The following RAB31 variants were observed in gnomAD, a reference collection of about 807,000 sequenced individuals.
RAB31 encodes RAB31, member RAS oncogene family.
Under a neutral mutation model 25.6 loss-of-function variants are expected in RAB31, and 21 were observed. The observed-to-expected ratio is 0.82, with a 90% CI of 0.58 to 1.18. RAB31 has a LOEUF of 1.18. RAB31 is among the 50% of genes most tolerant of loss of function. RAB31 has a pLI of 0.00. For missense variants in RAB31, 196 were observed against 250.1 expected (o/e 0.78, Z 1.46); for synonymous variants, 87 against 84.0 (o/e 1.04, Z -0.20).
intron 3 of RAB31, among the ~76,000 whole-genome samples, chr18:9,794,536 G>T (rs1465599310): frequency 6.6e-6 from 1 of 152,114 alleles, no homozygotes; most frequent in South Asian, 2.1e-4. Context: ...TTTCATTCAG[G>T]CTGGGCACCG....
At chr18:9,771,450 C>T (rs1482940331) in intron 1 of RAB31, among the ~76,000 whole-genome samples, 2 of 152,226 alleles carry the variant, frequency 1.3e-5, no homozygotes, top group Non-Finnish European at 2.9e-5. Context: ...TCCTGTCTCT[C>T]TCTTCCAAGG....
intron 3 of RAB31, among the ~76,000 whole-genome samples, chr18:9,805,212 C>T: frequency 6.6e-6 from 1 of 151,208 alleles, no homozygotes; most frequent in Admixed American, 6.6e-5. Context: ...GCCGAGATTG[C>T]ACCACTGCAC....
intron 6 of RAB31, among the ~76,000 whole-genome samples, chr18:9,846,148 G>A (rs1218121832): frequency 6.6e-6 from 1 of 152,108 alleles, no homozygotes; most frequent in East Asian, 1.9e-4. Context: ...ACCTGAAATT[G>A]GGAATTGGAT....
intron 3 of RAB31, among the ~76,000 whole-genome samples, chr18:9,808,284 A>G (rs760537157): frequency 6.6e-6 from 1 of 152,236 alleles, no homozygotes; most frequent in Non-Finnish European, 1.5e-5. Context: ...ATGATATAAT[A>G]GAAAGGTTTT....
intron 5 of RAB31, among the ~76,000 whole-genome samples, chr18:9,833,122 GA>G (rs994682412): frequency 1.3e-5 from 2 of 152,130 alleles, no homozygotes; most frequent in African/African-American, 4.8e-5. Flanking sequence ...CCCAGGAATC[GA>G]AAAAAGACAC....
rs1329205202 is a variant in RAB31, at chr18:9,860,452, G to A, written c.*1127G>A. ...CTAGAATGCCAAGGAACTGAGAATG[G>A]GCTCCGATGAAAACCTTCCTTTTCA... is the stretch of plus-strand genomic sequence containing the variant. On this transcript the variant is annotated 3_prime_UTR_variant, in exon 7 of 7. Coordinates refer to ENST00000578921, the MANE Select transcript of RAB31 (RefSeq NM_006868.4). 6.6e-6 allele frequency: 1 copy of A among 152,140 alleles called. No homozygotes were observed. Among genetic ancestry groups the A allele is most frequent in the Non-Finnish European group, 1.5e-5 (1 of 68,028 alleles). 9.4% of individuals were successfully genotyped at this position (152,140 alleles called of 1,614,324 possible).
chr18:9,840,569 A>C (rs759908190), intron 5 of RAB31, among the ~76,000 whole-genome samples: 1 of 152,210 alleles, frequency 6.6e-6, no homozygotes, highest in Non-Finnish European at 1.5e-5. Flanking sequence ...TCACCTTCGC[A>C]AAACTCTCCT....
At chr18:9,838,769 C>T (rs2068717695) in intron 5 of RAB31, among the ~76,000 whole-genome samples, 1 of 152,202 alleles carries the variant, frequency 6.6e-6, no homozygotes, top group Non-Finnish European at 1.5e-5. Context: ...GGAATACAGG[C>T]TGGTTAACAT....
chr18:9,831,203 G>T (rs968111394), intron 5 of RAB31, among the ~76,000 whole-genome samples: 1 of 152,222 alleles, frequency 6.6e-6, no homozygotes, highest in Non-Finnish European at 1.5e-5. Context: ...ACATGTTATG[G>T]TCTGGTGGAG....
chr18:9,715,529 T>TCTC (rs201076904), intron 1 of RAB31, among the ~76,000 whole-genome samples: 1 of 86,842 alleles, frequency 1.2e-5, no homozygotes, highest in African/African-American at 4.5e-5. Flanking sequence ...TCTCTCTCTC[T>TCTC]TTTTTTTTTT....
intron 1 of RAB31, chr18:9,774,817 G>C (rs2068363615): frequency 8.6e-5 from 44 of 513,458 alleles, no homozygotes; most frequent in South Asian, 6.3e-4. Flanking sequence ...GAAAATGCTA[G>C]AAACATAGAA....
intron 3 of RAB31, among the ~76,000 whole-genome samples, chr18:9,794,545 C>T (rs13381902): frequency 9.9e-5 from 15 of 152,016 alleles, no homozygotes; most frequent in Admixed American, 7.2e-4. Flanking sequence ...GGCTGGGCAC[C>T]GTGGCTCATG....
intron 1 of RAB31, among the ~76,000 whole-genome samples, chr18:9,734,234 G>A (rs1057390830): frequency 6.6e-6 from 1 of 152,132 alleles, no homozygotes; most frequent in Non-Finnish European, 1.5e-5. Flanking sequence ...CACTGTCACA[G>A]CCCTGTGAGG....
At chr18:9,854,670 T>C (rs889393843) in intron 6 of RAB31, among the ~76,000 whole-genome samples, 2 of 151,994 alleles carry the variant, frequency 1.3e-5, no homozygotes, top group Non-Finnish European at 2.9e-5. Flanking sequence ...TAATATTGTC[T>C]TCTTTATGGC....
chr18:9,723,491 T>G (rs2068082308), intron 1 of RAB31: 1 of 152,174 alleles, frequency 6.6e-6, no homozygotes, highest in African/African-American at 2.4e-5. Flanking sequence ...ATGAGTTATA[T>G]ATATTATTTT....
intron 5 of RAB31, among the ~76,000 whole-genome samples, chr18:9,830,891 T>C (rs1340754047): frequency 1.3e-5 from 2 of 152,236 alleles, no homozygotes; most frequent in Admixed American, 6.5e-5. Context: ...TGTATGCTGC[T>C]TAATTTTTCC....
chr18:9,828,218 G>A (rs1599056768), intron 5 of RAB31, among the ~76,000 whole-genome samples: 1 of 152,304 alleles, frequency 6.6e-6, no homozygotes, highest in Non-Finnish European at 1.5e-5. Context: ...GCGGGATGGT[G>A]TGGGTCTCAG....
chr18:9,798,818 A>G (rs1423667177), intron 3 of RAB31, among the ~76,000 whole-genome samples: 1 of 151,644 alleles, frequency 6.6e-6, no homozygotes, highest in South Asian at 2.1e-4. Context: ...GGCCAGACAC[A>G]GTTGCTCACG....
chr18:9,803,602 G>T (rs1447381287), intron 3 of RAB31, among the ~76,000 whole-genome samples: 1 of 152,178 alleles, frequency 6.6e-6, no homozygotes, highest in Non-Finnish European at 1.5e-5. Context: ...TGAAGATAGG[G>T]TTTATGCTGT....
Sources: allele counts gnomAD v4.1 joint callset (sites outside exome capture counted in the v4.1 genomes callset), GRCh38; gene constraint gnomAD v4.1.1; transcripts MANE v1.5; gene names NCBI Gene and HGNC (gene_info 2026-07-23, HGNC 2026-07-21).